ST8SIA6: variants seen among roughly 807,000 people sequenced by gnomAD.
ST8SIA6 encodes the protein alpha-2,8-sialyltransferase 8F.
ST8SIA6 carries 39 observed loss-of-function variants against 33.6 expected under a neutral mutation model. The observed-to-expected ratio is 1.16, with a 90% CI of 0.90 to 1.52. The LOEUF (loss-of-function observed/expected upper bound fraction) is 1.52. ST8SIA6 is among the 40% of genes most tolerant of loss of function. ST8SIA6 has a pLI of 0.00. For missense variants in ST8SIA6, 441 were observed against 443.8 expected (o/e 0.99, Z 0.06); for synonymous variants, 172 against 167.2 (o/e 1.03, Z -0.22).
intron 2 of ST8SIA6, chr10:17,410,516 G>A (rs1851415958): frequency 6.6e-6 from 1 of 152,088 alleles, no homozygotes; most frequent in Admixed American, 6.5e-5. Flanking sequence ...TTTGTTGAAA[G>A]AACAACTTCT....
intron 4 of ST8SIA6, among the ~76,000 whole-genome samples, chr10:17,350,181 G>A (rs138932421): frequency 1.3e-5 from 2 of 152,308 alleles, no homozygotes; most frequent in Admixed American, 6.5e-5. Context: ...AGGATTCATC[G>A]TGGTTCATGG....
chr10:17,423,318 C>T (rs1042626041), intron 2 of ST8SIA6, among the ~76,000 whole-genome samples: 7 of 152,126 alleles, frequency 4.6e-5, no homozygotes, highest in Admixed American at 4.6e-4. Context: ...TCTGGAATCC[C>T]CCAGAGTTGG....
At chr10:17,442,135 G>A (rs1326459324) in intron 2 of ST8SIA6, among the ~76,000 whole-genome samples, 5 of 152,198 alleles carry the variant, frequency 3.3e-5, no homozygotes, top group Admixed American at 2.0e-4. Flanking sequence ...CCGAAGTGCT[G>A]GGATTACAGG....
At chr10:17,427,085 C>T (rs922060981) in intron 2 of ST8SIA6, among the ~76,000 whole-genome samples, 3 of 128,400 alleles carry the variant, frequency 2.3e-5, no homozygotes, top group African/African-American at 9.3e-5. Flanking sequence ...GCCTGGGAGA[C>T]AGAGCAAGAC....
chr10:17,333,684 TATATATATATATATATATATA>T (rs1848376317), intron 4 of ST8SIA6, among the ~76,000 whole-genome samples: 1 of 16,202 alleles, frequency 6.2e-5, no homozygotes, highest in East Asian at 4.2e-3. Flanking sequence ...TATATATATA[TATATATATATATATATATATA>T]TATATATATA....
chr10:17,368,654 C>A (rs781432069), intron 3 of ST8SIA6, among the ~76,000 whole-genome samples: 1 of 151,934 alleles, frequency 6.6e-6, no homozygotes, highest in African/African-American at 2.4e-5. Context: ...GGTAATTGAG[C>A]AAATACTTGA....
At chr10:17,440,437 C>T (rs1156831185) in intron 2 of ST8SIA6, among the ~76,000 whole-genome samples, 1 of 152,054 alleles carries the variant, frequency 6.6e-6, no homozygotes, top group Admixed American at 6.5e-5. Flanking sequence ...AACTCCTGAC[C>T]TCAAGTGATT....
chr10:17,454,106 C>T lies in ST8SIA6; in HGVS notation c.101+49G>A. The T allele has an allele frequency of 3.9e-6, 1 of 257,882 alleles. No homozygotes were observed. 16.0% of individuals were successfully genotyped at this position (257,882 alleles called of 1,614,324 possible). On this transcript the variant is annotated intron_variant, in intron 1 of 7. Coordinates refer to ENST00000377602, the MANE Select transcript of ST8SIA6 (RefSeq NM_001004470.3). This position sits in a 1 kb window ranked among gnomAD's most constrained non-coding sequence, Gnocchi z 4.1. ...TGGGCGGCTTGGGGGTCCGGGGGCG[C>T]CAGGCGGGGCGCGCGGCGCGGGGCG...
At chr10:17,338,853 T>C (rs1461862144) in intron 4 of ST8SIA6, among the ~76,000 whole-genome samples, 1 of 152,216 alleles carries the variant, frequency 6.6e-6, no homozygotes, top group African/African-American at 2.4e-5. Context: ...TGCCCATCCA[T>C]GTGGCATCCC....
chr10:17,319,674 T>C lies in ST8SIA6; in HGVS notation c.*1204A>G, dbSNP rs1458626666. On this transcript the variant is annotated 3_prime_UTR_variant, in exon 8 of 8. Coordinates refer to ENST00000377602, the MANE Select transcript of ST8SIA6 (RefSeq NM_001004470.3). ...AAAATTTTTAAGATAGGATATTATA[T>C]GGGAAAAAAAAGTAAGCTCTAAATG... is the stretch of plus-strand genomic sequence containing the variant. 2.6e-5 allele frequency among the ~76,000 whole-genome samples: 4 copies of C among 151,928 alleles called. No homozygotes were observed. Among genetic ancestry groups the C allele is most frequent in the Non-Finnish European group, 2.9e-5 (2 of 67,996 alleles).
intron 4 of ST8SIA6, among the ~76,000 whole-genome samples, chr10:17,342,135 A>T (rs777306985): frequency 2.0e-5 from 3 of 152,214 alleles, no homozygotes; most frequent in Non-Finnish European, 4.4e-5. Flanking sequence ...TACATAGAGC[A>T]ATTCAGCCCA....
chr10:17,397,226 G>T (rs368115571), intron 2 of ST8SIA6, among the ~76,000 whole-genome samples: 30 of 80,034 alleles, frequency 3.7e-4, no homozygotes, highest in South Asian at 1.4e-3. Context: ...TTTGCAAATT[G>T]TTTTTTGTTT....
At chr10:17,349,164 G>C (rs1379020431) in intron 4 of ST8SIA6, among the ~76,000 whole-genome samples, 1 of 152,166 alleles carries the variant, frequency 6.6e-6, no homozygotes, top group African/African-American at 2.4e-5. Context: ...ATCATGAAAA[G>C]ACCAAAGAAA....
chr10:17,404,062 C>G (rs1851153101), intron 2 of ST8SIA6, among the ~76,000 whole-genome samples: 1 of 112,106 alleles, frequency 8.9e-6, no homozygotes, highest in South Asian at 3.2e-4. Flanking sequence ...AAGACACTGT[C>G]TCAAAAAAAA....
chr10:17,381,408 T>C (rs437260), intron 3 of ST8SIA6, among the ~76,000 whole-genome samples: 42,485 of 151,872 alleles, frequency 0.28, 6,645 homozygotes, highest in East Asian at 0.64. Context: ...CGTCTTTATA[T>C]GTTTTTAGGT....
rs540437923 is a variant in ST8SIA6 at position 17,361,915 on chromosome 10, A to G, written c.291-2315T>C. 3.3e-5 allele frequency among the ~76,000 whole-genome samples: 5 copies of G among 152,320 alleles called. No individual in the cohort carries two copies. The East Asian group carries it at 9.6e-4, about 29-fold the overall frequency. ...TATTAACATAATTTTAAAAAGCACA[A>G]ATAATAATCTCAGCACACAAAAGGA... On this transcript the variant is annotated intron_variant, in intron 3 of 7. Transcript: ENST00000377602.
chr10:17,387,345 G>T (rs1012055530), intron 3 of ST8SIA6, among the ~76,000 whole-genome samples: 1 of 150,676 alleles, frequency 6.6e-6, no homozygotes, highest in Non-Finnish European at 1.5e-5. Context: ...TCTGCCTCCC[G>T]GGTTCAAGAG....
At chr10:17,443,592 A>T (rs1762168841) in intron 2 of ST8SIA6, among the ~76,000 whole-genome samples, 1 of 152,254 alleles carries the variant, frequency 6.6e-6, no homozygotes, top group Non-Finnish European at 1.5e-5. Flanking sequence ...CATGGATATG[A>T]ATGTTCCCCA....
chr10:17,431,202 T>G (rs1852091134), intron 2 of ST8SIA6, among the ~76,000 whole-genome samples: 1 of 152,104 alleles, frequency 6.6e-6, no homozygotes, highest in Non-Finnish European at 1.5e-5. Context: ...TTGGCCGACA[T>G]GAGGATGAGA....
Sources: gnomAD v4.1 joint callset for allele counts (sites outside exome capture counted in the v4.1 genomes callset) on GRCh38, gnomAD v4.1.1 for gene constraint, Gnocchi (gnomAD v3.1) non-coding constraint, MANE v1.5 for transcripts, NCBI Gene and HGNC (gene_info 2026-07-23, HGNC 2026-07-21) for gene names.